TMEM135: variants seen among roughly 807,000 people sequenced by gnomAD.
TMEM135 encodes the protein transmembrane protein 135.
Under a neutral mutation model 60.3 loss-of-function variants are expected in TMEM135, and 30 were observed. The ratio of observed to expected loss-of-function variants is 0.50; its 90% CI spans 0.37 to 0.68. The LOEUF (loss-of-function observed/expected upper bound fraction) is 0.68, where lower values mean the gene tolerates loss of function less well. Ranked by LOEUF, TMEM135 falls within the 30% of genes least tolerant of loss-of-function variation. The pLI is 0.00. For synonymous variants in TMEM135, 190 were observed against 186.7 expected (o/e 1.02, Z -0.14); for missense variants, 468 against 548.8 (o/e 0.85, Z 1.47).
At chr11:87,186,086 T>C (rs1939645949) in intron 5 of TMEM135, among the ~76,000 whole-genome samples, 1 of 152,210 alleles carries the variant, frequency 6.6e-6, no homozygotes, top group Non-Finnish European at 1.5e-5. Flanking sequence ...TTTGTATTTT[T>C]AGTGGAGACG....
At chr11:87,260,697 A>G (rs1941633561) in intron 6 of TMEM135, among the ~76,000 whole-genome samples, 1 of 151,638 alleles carries the variant, frequency 6.6e-6, no homozygotes, top group Admixed American at 6.6e-5. Context: ...CTTTGGGAAA[A>G]CAGAAATAGT....
intron 5 of TMEM135, among the ~76,000 whole-genome samples, chr11:87,191,343 C>T (rs1939794256): frequency 6.6e-6 from 1 of 152,062 alleles, no homozygotes; most frequent in Admixed American, 6.6e-5. Flanking sequence ...TGGGTTCACA[C>T]CATTCTCCTG....
At chr11:87,244,977 T>C (rs989943205) in intron 6 of TMEM135, among the ~76,000 whole-genome samples, 21 of 151,942 alleles carry the variant, frequency 1.4e-4, no homozygotes, top group African/African-American at 5.1e-4. Context: ...TGTTTTCTCT[T>C]GTGGGCATTT....
chr11:87,237,162 CT>C (rs1329908743), intron 6 of TMEM135, among the ~76,000 whole-genome samples: 4 of 151,850 alleles, frequency 2.6e-5, no homozygotes, highest in African/African-American at 9.7e-5. Context: ...CAAAGTTGTA[CT>C]TTTCATTGAC....
intron 6 of TMEM135, among the ~76,000 whole-genome samples, chr11:87,259,702 T>C (rs976651952): frequency 3.3e-5 from 5 of 152,230 alleles, no homozygotes; most frequent in Admixed American, 3.3e-4. Context: ...CCCACCATTA[T>C]CAATTTTCAG....
At chr11:87,118,475 G>T (rs1308136512) in intron 4 of TMEM135, among the ~76,000 whole-genome samples, 2 of 150,684 alleles carry the variant, frequency 1.3e-5, no homozygotes, top group Non-Finnish European at 3.0e-5. Flanking sequence ...TTGAGACGGT[G>T]TGTCACACTG....
chr11:87,105,756 T>C (rs577861773), intron 4 of TMEM135, among the ~76,000 whole-genome samples: 43 of 152,222 alleles, frequency 2.8e-4, no homozygotes, highest in Non-Finnish European at 1.2e-4. Flanking sequence ...TTTTTCCTTT[T>C]TTATTTACAG....
In TMEM135 at chr11:87,067,701, C is replaced by G; in HGVS notation, c.149C>G (p.Ala50Gly). 1.2e-6 allele frequency: 2 copies of G among 1,613,670 alleles called. No individual in the cohort carries two copies. Among genetic ancestry groups the G allele is most frequent in the Non-Finnish European group, 1.7e-6 (2 of 1,179,792 alleles). Residue 50 changes from alanine to glycine, a missense_variant, in exon 2 of 15, where the codon GCA becomes GGA. Physicochemically the swap from Ala to Gly is moderately conservative, Grantham distance 60. Coordinates refer to ENST00000305494, the MANE Select transcript of TMEM135 (RefSeq NM_022918.4). ...AATCCTTTCTCTTTCCAGATTGCAGCAATTCTCCGGAAACGGAAATTAGAC... is the reference window on the plus strand; with the variant it reads ...AATCCTTTCTCTTTCCAGATTGCAGGAATTCTCCGGAAACGGAAATTAGAC... ...KIYAPLYLIA[A>G]ILRKRKLDYY...
chr11:87,261,661 A>T (rs1300299203), intron 6 of TMEM135, among the ~76,000 whole-genome samples: 1 of 151,908 alleles, frequency 6.6e-6, no homozygotes, highest in East Asian at 1.9e-4. Context: ...ACTCGCTTTC[A>T]TTTACCCTGG....
chr11:87,304,730 A>C (rs1942511149), intron 8 of TMEM135, among the ~76,000 whole-genome samples: 1 of 152,240 alleles, frequency 6.6e-6, no homozygotes, highest in African/African-American at 2.4e-5. Context: ...GCAGAGCCAG[A>C]ACATTGCTCT....
chr11:87,203,963 ATTTCT>A (rs1036946017), intron 5 of TMEM135, among the ~76,000 whole-genome samples: 6 of 151,778 alleles, frequency 4.0e-5, no homozygotes, highest in Admixed American at 6.6e-5. Context: ...TGCCTTTATC[ATTTCT>A]TTTCTTTTCT....
intron 4 of TMEM135, among the ~76,000 whole-genome samples, chr11:87,143,940 G>A (rs1938334462): frequency 6.6e-6 from 1 of 152,146 alleles, no homozygotes; most frequent in African/African-American, 2.4e-5. Context: ...AGTCTTTCAT[G>A]AGTAAATTCT....
Position 87,323,653 on chromosome 11 carries a change from C to A in TMEM135, c.*2320C>A, listed in dbSNP as rs768515830. 2.2e-6 allele frequency: 1 copy of A among 453,724 alleles called. No homozygotes were observed. The highest frequency in any genetic ancestry group is 2.4e-5 in the Admixed American group (1 of 42,532). 28.1% of individuals were successfully genotyped at this position (453,724 alleles called of 1,614,324 possible). On this transcript the variant is annotated 3_prime_UTR_variant, in exon 15 of 15. Transcript: ENST00000305494. ...TTTTATATAGATTGAGATTGAAAAA[C>A]CGTGCATTTGGGGCAGTGGTATTAT... is the stretch of plus-strand genomic sequence containing the variant.
chr11:87,113,196 A>G (rs1024220720), intron 4 of TMEM135, among the ~76,000 whole-genome samples: 4 of 152,110 alleles, frequency 2.6e-5, no homozygotes, highest in African/African-American at 9.7e-5. Flanking sequence ...GATAGTTCAC[A>G]TTGTAATTTC....
At chr11:87,169,107 A>T (rs932531325) in intron 5 of TMEM135, among the ~76,000 whole-genome samples, 4 of 151,740 alleles carry the variant, frequency 2.6e-5, no homozygotes, top group Non-Finnish European at 5.9e-5. Flanking sequence ...GTTTTATCAG[A>T]GACTAGGATT....
At chr11:87,057,795 CTG>C (rs35519502) in intron 1 of TMEM135, among the ~76,000 whole-genome samples, 221 of 75,476 alleles carry the variant, frequency 2.9e-3, no homozygotes, top group African/African-American at 0.014. Flanking sequence ...ACAGAAGCCT[CTG>C]TGTGTGTGTG....
At chr11:87,080,343 C>G (rs989068526) in intron 3 of TMEM135, among the ~76,000 whole-genome samples, 2 of 151,992 alleles carry the variant, frequency 1.3e-5, no homozygotes, top group African/African-American at 4.8e-5. Context: ...CCTTCCCCAC[C>G]CCACCAAGTT....
chr11:87,301,683 A>G (rs545111044), intron 7 of TMEM135, among the ~76,000 whole-genome samples: 1 of 152,338 alleles, frequency 6.6e-6, no homozygotes, highest in East Asian at 1.9e-4. Flanking sequence ...TGACTCTTAC[A>G]GGATAGGTGT....
rs530054898 is a variant in TMEM135, at chr11:87,255,235, G to C, written c.509+18551G>C. 2.1e-3 allele frequency among the ~76,000 whole-genome samples: 324 copies of C among 152,178 alleles called. 2 individuals are homozygous for C. The highest frequency in any genetic ancestry group is 3.6e-3 in the Non-Finnish European group (247 of 68,022). On this transcript the variant is annotated intron_variant, in intron 6 of 14. Transcript: ENST00000305494. ...GGTAGGGGTCGGAAGAAGAGGGCAG[G>C]GCAAAGAAACAAATGTGTTGGCCCT...
Sources: gnomAD v4.1 joint callset for allele counts (sites outside exome capture counted in the v4.1 genomes callset) on GRCh38, gnomAD v4.1.1 for gene constraint, MANE v1.5 for transcripts, NCBI Gene and HGNC (gene_info 2026-07-23, HGNC 2026-07-21) for gene names.